Variants in TGFBR3 observed in about 807,000 individuals in gnomAD.
The protein encoded by TGFBR3 is transforming growth factor beta receptor 3.
TGFBR3 carries 46 observed loss-of-function variants against 87.9 expected under a neutral mutation model. The observed-to-expected ratio is 0.52, with a 90% CI of 0.41 to 0.67. The LOEUF (loss-of-function observed/expected upper bound fraction) is 0.67, where lower values mean the gene tolerates loss of function less well. Among genes scored for constraint, TGFBR3 ranks in the 30% least tolerant of loss-of-function variants. The pLI is 0.00. For synonymous variants in TGFBR3, 381 were observed against 391.6 expected (o/e 0.97, Z 0.32); for missense variants, 866 against 1,041.9 (o/e 0.83, Z 2.32).
intron 2 of TGFBR3, among the ~76,000 whole-genome samples, chr1:91,810,260 T>C (rs1675983420): frequency 6.6e-6 from 1 of 152,184 alleles, no homozygotes; most frequent in South Asian, 2.1e-4. Context: ...GGTTTTGTCA[T>C]GTTGCCCAGG....
chr1:91,691,526 T>A (rs1037845906), intron 16 of TGFBR3, among the ~76,000 whole-genome samples: 3 of 152,220 alleles, frequency 2.0e-5, no homozygotes, highest in Non-Finnish European at 4.4e-5. Flanking sequence ...CTTGCCAAAC[T>A]GTCTACCAGG....
At chr1:91,777,549 A>T (rs1209121919) in intron 3 of TGFBR3, among the ~76,000 whole-genome samples, 1 of 151,986 alleles carries the variant, frequency 6.6e-6, no homozygotes, top group Non-Finnish European at 1.5e-5. Context: ...CCTGGCTCCA[A>T]TTATTCCAGC....
At chr1:91,877,594 G>C (rs538898286) in intron 1 of TGFBR3, among the ~76,000 whole-genome samples, 13 of 152,284 alleles carry the variant, frequency 8.5e-5, no homozygotes, top group African/African-American at 3.1e-4. Context: ...GAACGTCTTA[G>C]AGAACAACCA....
Position 91,681,230 on chromosome 1 carries a change from G to C in TGFBR3, c.*2509C>G, listed in dbSNP as rs1361735670. ...TTAGAAATACTGTAATGAGAAGCTAGGGAGAAAATACCTTATTTTTTTCAT... is the reference window on the plus strand; with the variant it reads ...TTAGAAATACTGTAATGAGAAGCTACGGAGAAAATACCTTATTTTTTTCAT... On this transcript the variant is annotated 3_prime_UTR_variant, in exon 17 of 17. Transcript: ENST00000212355. The C allele has an allele frequency of 4.5e-6, 2 of 446,458 alleles. No homozygotes were observed. The highest frequency in any genetic ancestry group is 7.0e-5 in the East Asian group (1 of 14,372). 27.7% of individuals were successfully genotyped at this position (446,458 alleles called of 1,614,324 possible).
intron 2 of TGFBR3, among the ~76,000 whole-genome samples, chr1:91,807,980 A>G (rs997253160): frequency 6.6e-6 from 1 of 152,248 alleles, no homozygotes; most frequent in African/African-American, 2.4e-5. Flanking sequence ...AGAGAAATAA[A>G]TGAATGAGAA....
chr1:91,753,390 CAAAAAAAAAAAAAAAA>C (rs71586711), intron 4 of TGFBR3, among the ~76,000 whole-genome samples: 2 of 52,358 alleles, frequency 3.8e-5, no homozygotes, highest in Admixed American at 3.0e-4. Flanking sequence ...ACTCTGTCCT[CAAAAAAAAAAAAAAAA>C]AAAAAAAAAA....
intron 4 of TGFBR3, among the ~76,000 whole-genome samples, chr1:91,739,185 G>A (rs375265506): frequency 4.6e-5 from 7 of 152,098 alleles, no homozygotes; most frequent in African/African-American, 1.2e-4. Context: ...AAATGTTTTC[G>A]CAGGATGGCT....
At chr1:91,845,639 A>T (rs1386003525) in intron 2 of TGFBR3, among the ~76,000 whole-genome samples, 2 of 152,174 alleles carry the variant, frequency 1.3e-5, no homozygotes, top group Non-Finnish European at 2.9e-5. Flanking sequence ...AATAATGCAA[A>T]CCTGTTTACC....
In TGFBR3 at chr1:91,771,902, A is replaced by T. The variant is rs17880909; in HGVS notation, c.247-13152T>A. Reference sequence around the variant, plus strand: ...GGGGCAGAGGGACAGGCAGATACAAACACATCTGTGGGCAGCAGGAAGGGG... The same window carrying T: ...GGGGCAGAGGGACAGGCAGATACAATCACATCTGTGGGCAGCAGGAAGGGG... On this transcript the variant is annotated intron_variant, in intron 3 of 16. Coordinates refer to ENST00000212355, the MANE Select transcript of TGFBR3 (RefSeq NM_003243.5). Among the ~76,000 whole-genome samples, 19 of 152,098 alleles carry T rather than the reference A, an allele frequency of 1.2e-4. No individual in the cohort carries two copies. In the East Asian group the frequency reaches 3.7e-3, roughly 30 times the overall value.
In TGFBR3 at chr1:91,731,975, G is replaced by A. The variant is rs562263856; in HGVS notation, c.569-2002C>T. 3.9e-5 allele frequency among the ~76,000 whole-genome samples: 6 copies of A among 152,252 alleles called. No individual in the cohort carries two copies. In the East Asian group the frequency reaches 7.7e-4, roughly 20 times the overall value. On this transcript the variant is annotated intron_variant, in intron 5 of 16. Transcript: ENST00000212355. The stretch of plus-strand genomic sequence containing the variant: ...CTCCCCCGCTCCCCAATGACTTTCC[G>A]AATGCCTGGCATCAAAACTTATACC...
chr1:91,891,605 T>C (rs1679449656), intron 2 of TGFBR3, among the ~76,000 whole-genome samples: 1 of 152,138 alleles, frequency 6.6e-6, no homozygotes, highest in South Asian at 2.1e-4. Context: ...AATAGATTCC[T>C]TTCACTAATT....
chr1:91,683,856 C>T lies in TGFBR3; in HGVS notation c.2439G>A (p.Gly813=). 1 of 1,597,218 alleles carries T rather than the reference C, an allele frequency of 6.3e-7. No homozygotes were observed. The highest frequency in any genetic ancestry group is 1.3e-5 in the African/African-American group (1 of 74,754). ...GGACTTGCTGCCTTCCTGCTGTCTC[C>T]CCTGCAGTTAATAAAGAAAAGGCAG... ...GALWYIYSHT[G]ETAGRQQVPT... Residue 813 remains glycine (G), a splice_region_variant and synonymous_variant, in exon 17 of 17, where the codon GGG becomes GGA. Coordinates refer to ENST00000212355, the MANE Select transcript of TGFBR3 (RefSeq NM_003243.5).
chr1:91,739,383 C>T (rs1673073404), intron 4 of TGFBR3, among the ~76,000 whole-genome samples: 1 of 152,172 alleles, frequency 6.6e-6, no homozygotes, highest in East Asian at 1.9e-4. Flanking sequence ...CCATAATTCT[C>T]CCAAAATAAA....
intron 2 of TGFBR3, among the ~76,000 whole-genome samples, chr1:91,848,024 A>C (rs2101134567): frequency 6.6e-6 from 1 of 152,302 alleles, no homozygotes; most frequent in East Asian, 1.9e-4. Flanking sequence ...CTGCAGGTGC[A>C]CCACACTTAC....
Position 91,680,527 on chromosome 1 carries a change from T to C in TGFBR3, c.*3212A>G, listed in dbSNP as rs951487610. ...GTACTCGTTTTACCCTCATAGATGA[T>C]GAAAACCAGCAACAAAATCAGGCTC... On this transcript the variant is annotated 3_prime_UTR_variant, in exon 17 of 17. Transcript: ENST00000212355. The C allele has an allele frequency of 5.1e-5, 23 of 453,904 alleles. No homozygotes were observed. Among genetic ancestry groups the C allele is most frequent in the African/African-American group, 1.0e-4 (5 of 49,966 alleles). The allele number at this position is 453,904 out of a possible 1,614,324, so 28.1% of individuals were successfully genotyped here. A position where few individuals can be genotyped will look rare whatever the true frequency, so the allele number is the denominator to read the frequency against.
intron 3 of TGFBR3, among the ~76,000 whole-genome samples, chr1:91,780,390 T>C (rs1043335394): frequency 6.6e-6 from 1 of 152,090 alleles, no homozygotes; most frequent in Non-Finnish European, 1.5e-5. Context: ...ACAAGGCAGC[T>C]TGCTATTGGG....
intron 14 of TGFBR3, among the ~76,000 whole-genome samples, chr1:91,706,609 A>C (rs1029493718): frequency 7.9e-5 from 12 of 152,220 alleles, no homozygotes; most frequent in African/African-American, 2.9e-4. Context: ...TGATCAACAA[A>C]TAACCATAAA....
intron 3 of TGFBR3, among the ~76,000 whole-genome samples, chr1:91,773,242 AT>A (rs3039444): frequency 0.041 from 6,048 of 148,040 alleles, 182 homozygotes; most frequent in African/African-American, 0.08. Flanking sequence ...TAAATAAATG[AT>A]TTTTTTTTTT....
In TGFBR3 at chr1:91,716,679, G is replaced by C. The variant is rs1672186951; in HGVS notation, c.1596C>G (p.Asp532Glu). The C allele has an allele frequency of 6.2e-7, 1 of 1,614,014 alleles. No homozygotes were observed. The highest frequency in any genetic ancestry group is 2.2e-5 in the East Asian group (1 of 44,876). ...CATAACCATCTGGCCAACCACTACT[G>C]TCCCCAAGGGCTGGAACCTGTATCA... Reference protein sequence around the residue: ...SIVIQVPALGDSSGWPDGYED... With the variant: ...SIVIQVPALGESSGWPDGYED... Residue 532 changes from aspartate (D) to glutamate (E), a missense_variant, in exon 11 of 17, where the codon GAC becomes GAG. Coordinates refer to ENST00000212355, the MANE Select transcript of TGFBR3 (RefSeq NM_003243.5).
Sources: gnomAD v4.1 joint callset for allele counts (sites outside exome capture counted in the v4.1 genomes callset) on GRCh38, gnomAD v4.1.1 for gene constraint, MANE v1.5 for transcripts, NCBI Gene and HGNC (gene_info 2026-07-23, HGNC 2026-07-21) for gene names.